The following TIAM1 variants were observed in gnomAD, a reference collection of about 807,000 sequenced individuals.
The protein encoded by TIAM1 is rho guanine nucleotide exchange factor TIAM1.
TIAM1 carries 65 observed loss-of-function variants against 163.5 expected under a neutral mutation model. The ratio of observed to expected loss-of-function variants is 0.40; its 90% CI spans 0.33 to 0.49. The LOEUF is 0.49. Ranked by LOEUF, TIAM1 falls within the 20% of genes least tolerant of loss-of-function variation. The pLI is 0.77. For synonymous variants in TIAM1, 833 were observed against 810.1 expected (o/e 1.03, Z -0.48); for missense variants, 1,789 against 2,044.7 (o/e 0.87, Z 2.41).
At chr21:31,347,156 AG>A (rs1332865811), upstream of TIAM1, among the ~76,000 whole-genome samples, 1 of 152,230 alleles carries the variant, frequency 6.6e-6, no homozygotes, top group Non-Finnish European at 1.5e-5. Flanking sequence ...CTTCTAGAGA[AG>A]AATAACTTGA....
At chr21:31,552,840 A>T (rs992371731) in intron 1 of TIAM1, among the ~76,000 whole-genome samples, 9 of 152,238 alleles carry the variant, frequency 5.9e-5, no homozygotes, top group Non-Finnish European at 1.3e-4. Flanking sequence ...TAGGGCAGAC[A>T]GTAAGAATCA....
At chr21:31,408,495 G>C (rs2077287707) in intron 2 of TIAM1, among the ~76,000 whole-genome samples, 1 of 152,132 alleles carries the variant, frequency 6.6e-6, no homozygotes, top group Non-Finnish European at 1.5e-5. Flanking sequence ...CTCCAGTTTT[G>C]AAACACTCTT....
chr21:31,476,144 C>T (rs1384311651), intron 1 of TIAM1, among the ~76,000 whole-genome samples: 1 of 152,068 alleles, frequency 6.6e-6, no homozygotes, highest in Non-Finnish European at 1.5e-5. Flanking sequence ...GTTGGCAGGG[C>T]GATTTATTTT....
At chr21:31,390,335 T>C (rs1303804856) in intron 2 of TIAM1, among the ~76,000 whole-genome samples, 4 of 152,226 alleles carry the variant, frequency 2.6e-5, no homozygotes, top group Non-Finnish European at 4.4e-5. Context: ...TGTAAAACTT[T>C]TGTATTACTG....
Position 31,120,472 on chromosome 21 carries a change from C to A in TIAM1, c.4672G>T (p.Ala1558Ser). 1 of 1,614,248 alleles carries A rather than the reference C, an allele frequency of 6.2e-7. No homozygotes were observed. The highest frequency in any genetic ancestry group is 2.2e-5 in the East Asian group (1 of 44,876). The change falls in exon 28 of 28, where the codon GCC becomes TCC. Residue 1558 changes from alanine to serine, a missense_variant. Transcript: ENST00000541036. This position sits in a 1 kb window ranked among gnomAD's most constrained non-coding sequence, Gnocchi z 4.2. Reference sequence around the variant, plus strand: ...AGGCCTCCATTGATCCCCGACAGGGCAGCTTGCTTCTTGAGCTGTGCCATG... The same window carrying A: ...AGGCCTCCATTGATCCCCGACAGGGAAGCTTGCTTCTTGAGCTGTGCCATG... ...SRMAQLKKQA[A>S]LSGINGGLES...
At chr21:31,207,747 A>AT (rs974997477) in intron 11 of TIAM1, among the ~76,000 whole-genome samples, 2 of 152,010 alleles carry the variant, frequency 1.3e-5, no homozygotes, top group Non-Finnish European at 2.9e-5. Flanking sequence ...AACTCATGAG[A>AT]TTTTTTATGT....
intron 23 of TIAM1, among the ~76,000 whole-genome samples, chr21:31,133,031 GT>G (rs2082478446): frequency 6.6e-6 from 1 of 152,172 alleles, no homozygotes; most frequent in South Asian, 2.1e-4. Context: ...GAGGTTAGAG[GT>G]TTAAACCAAA....
chr21:31,377,016 G>A (rs2076698086), intron 2 of TIAM1, among the ~76,000 whole-genome samples: 1 of 146,144 alleles, frequency 6.8e-6, no homozygotes, highest in East Asian at 2.0e-4. Flanking sequence ...ACGCCACCAT[G>A]CCTGGCTCAT....
At chr21:31,262,338 G>A (rs1049679718) in intron 4 of TIAM1, among the ~76,000 whole-genome samples, 2 of 152,186 alleles carry the variant, frequency 1.3e-5, no homozygotes, top group African/African-American at 4.8e-5. Flanking sequence ...CCCCTCCTCT[G>A]TCTGTAACCA....
intron 2 of TIAM1, among the ~76,000 whole-genome samples, chr21:31,362,862 T>G (rs939905071): frequency 3.3e-5 from 5 of 152,184 alleles, no homozygotes; most frequent in African/African-American, 9.7e-5. Context: ...TTTATCATTG[T>G]ATTTTCTGAT....
Position 31,178,339 on chromosome 21 carries a change from C to T in TIAM1, c.2887+4082G>A, listed in dbSNP as rs1034369769. Among the ~76,000 whole-genome samples, 27 of 118,976 alleles carry T rather than the reference C, an allele frequency of 2.3e-4. No homozygotes were observed. In the Admixed American group the frequency reaches 3.1e-3, roughly 14 times the overall value. 78.1% of individuals were successfully genotyped at this position (118,976 alleles called of 152,430 possible). ...TTTTTTTTTTTTTGAGACGGAGTCT[C>T]GCTATCGCCCAGGCTGGAGTGCAGT... On this transcript the variant is annotated intron_variant, in intron 15 of 27. Transcript: ENST00000541036.
intron 1 of TIAM1, among the ~76,000 whole-genome samples, chr21:31,486,205 T>A (rs1465606405): frequency 2.0e-5 from 3 of 151,986 alleles, no homozygotes; most frequent in Admixed American, 6.5e-5. Context: ...GGAATGGGAG[T>A]CCCAGCCATC....
At chr21:31,438,511 G>A (rs2044300934) in intron 2 of TIAM1, among the ~76,000 whole-genome samples, 1 of 152,042 alleles carries the variant, frequency 6.6e-6, no homozygotes, top group Admixed American at 6.6e-5. Flanking sequence ...TCTTTTCCAT[G>A]AGCTGACAGT....
At chr21:31,485,783 A>C (rs1476466634) in intron 1 of TIAM1, among the ~76,000 whole-genome samples, 1 of 152,148 alleles carries the variant, frequency 6.6e-6, no homozygotes, top group Non-Finnish European at 1.5e-5. Context: ...TACTGGTCTA[A>C]GCCCCCACAC....
intron 11 of TIAM1, among the ~76,000 whole-genome samples, chr21:31,206,819 G>A (rs74949699): frequency 0.028 from 3,947 of 139,006 alleles, 196 homozygotes; most frequent in African/African-American, 0.12. Context: ...AATCCATTAT[G>A]TTTTGCTATT....
chr21:31,456,933 C>T (rs551302995), intron 2 of TIAM1, among the ~76,000 whole-genome samples: 4 of 152,182 alleles, frequency 2.6e-5, no homozygotes, highest in Non-Finnish European at 5.9e-5. Context: ...AAATCAGGAT[C>T]CATACAAGAC....
intron 2 of TIAM1, among the ~76,000 whole-genome samples, chr21:31,323,819 G>A (rs1031856800): frequency 6.6e-6 from 1 of 151,790 alleles, no homozygotes; most frequent in East Asian, 2.0e-4. Context: ...TGACAGAGTG[G>A]GACTCTGTCT....
At position 31,223,486 on chromosome 21, in the gene TIAM1, GC is replaced by G; in HGVS notation, c.1914del (p.Arg638SerfsTer38). The G allele has an allele frequency of 6.2e-7, 1 of 1,614,018 alleles. No individual in the cohort carries two copies. The highest frequency in any genetic ancestry group is 8.5e-7 in the Non-Finnish European group (1 of 1,179,940). ...GTTGGTCGACTTGCAAAAGCGAGAA[GC>G]CTTTTGGGGTTTGGCAGCTCCCCAC... ...LQGGELPNPK[R>X]LLAFASRPTK... On this transcript the variant is annotated frameshift_variant, in exon 8 of 28. Transcript: ENST00000541036. LOFTEE classifies it high-confidence loss of function.
rs1357453643 is a variant in TIAM1, at chr21:31,266,102, A to G, written c.871T>C (p.Cys291Arg). ...TCAGAGAGACAGTGAGATTTCCTAC[A>G]GGGAAGTGTGTTATAATTACTGTAC... is the stretch of plus-strand genomic sequence containing the variant. Reference protein sequence around the residue: ...PPYSNYNTLPCRKSHCLSEGA... With the variant: ...PPYSNYNTLPRRKSHCLSEGA... Residue 291 changes from cysteine (C) to arginine (R), a missense_variant, in exon 4 of 28, where the codon TGT becomes CGT. Coordinates refer to ENST00000541036, the MANE Select transcript of TIAM1 (RefSeq NM_001353694.2). The G allele has an allele frequency of 6.2e-7, 1 of 1,614,222 alleles. No individual in the cohort carries two copies. The highest frequency in any genetic ancestry group is 1.1e-5 in the South Asian group (1 of 91,084).
Sources: gnomAD v4.1 joint callset for allele counts (sites outside exome capture counted in the v4.1 genomes callset) on GRCh38, gnomAD v4.1.1 for gene constraint, Gnocchi (gnomAD v3.1) non-coding constraint, MANE v1.5 for transcripts, NCBI Gene and HGNC (gene_info 2026-07-23, HGNC 2026-07-21) for gene names.